ASCC1: variants seen among roughly 807,000 people sequenced by gnomAD.
ASCC1 encodes ASC-1 complex subunit P50.
In ASCC1, 35 loss-of-function variants were observed where a neutral mutation model predicts 46.6. The ratio of observed to expected loss-of-function variants is 0.75; its 90% CI spans 0.57 to 0.99. The LOEUF (loss-of-function observed/expected upper bound fraction) is 0.99, where lower values mean the gene tolerates loss of function less well. Ranked by LOEUF, ASCC1 falls within the 50% of genes least tolerant of loss-of-function variation. The pLI is 0.00. For missense variants in ASCC1, 376 were observed against 428.7 expected, an observed-to-expected ratio of 0.88 and a Z score of 1.09; for synonymous variants, 143 against 146.6, an observed-to-expected ratio of 0.98 and a Z score of 0.18.
At chr10:72,187,494 G>GAAGA (rs1853642652) in intron 5 of ASCC1, among the ~76,000 whole-genome samples, 1 of 151,788 alleles carries the variant, frequency 6.6e-6, no homozygotes, top group African/African-American at 2.4e-5. Context: ...GCTGGGCCAG[G>GAAGA]CGGATCACGA....
At chr10:72,098,968 G>A (rs901466419) in intron 9 of ASCC1, among the ~76,000 whole-genome samples, 3 of 152,204 alleles carry the variant, frequency 2.0e-5, no homozygotes, top group Admixed American at 6.5e-5. Flanking sequence ...TGAAAGACAC[G>A]TCACTAAGAC....
intron 7 of ASCC1, among the ~76,000 whole-genome samples, chr10:72,150,469 AAAAC>A (rs1276246204): frequency 6.6e-6 from 1 of 152,182 alleles, no homozygotes; most frequent in Non-Finnish European, 1.5e-5. Context: ...AGACCACACA[AAAAC>A]AAATTTCCAG....
intron 9 of ASCC1, among the ~76,000 whole-genome samples, chr10:72,100,945 T>C (rs907273031): frequency 1.3e-5 from 2 of 152,196 alleles, no homozygotes; most frequent in African/African-American, 4.8e-5. Context: ...AAAGGTCTAA[T>C]GTATCAGTTC....
rs539217092 is a variant in ASCC1 at position 72,096,747 on chromosome 10, T to C, written c.*587A>G. ...TATGTATAATACAGGAAGGAAATCC[T>C]GTCACCTGACACAACATGGATGAAC... On this transcript the variant is annotated 3_prime_UTR_variant, in exon 10 of 10. Coordinates refer to ENST00000672957, the MANE Select transcript of ASCC1 (RefSeq NM_001198800.3). The C allele has an allele frequency of 3.5e-5, 16 of 454,120 alleles. No homozygotes were observed. The highest frequency in any genetic ancestry group is 3.5e-4 in the Admixed American group (15 of 42,580). 28.1% of individuals were successfully genotyped at this position (454,120 alleles called of 1,614,324 possible).
chr10:72,176,264 A>G (rs543095750), intron 5 of ASCC1, among the ~76,000 whole-genome samples: 8 of 152,274 alleles, frequency 5.3e-5, no homozygotes, highest in Non-Finnish European at 1.0e-4. Context: ...ACCTCTCAAG[A>G]CATCCTCCAC....
chr10:72,179,463 G>C lies in ASCC1; in HGVS notation c.489+17348C>G, dbSNP rs904992354. ...CAAAATGTCTTCAATTGTTTAACAG[G>C]ATATTTTTTTCCCATTCAAATAACT... On this transcript the variant is annotated intron_variant, in intron 5 of 9. Transcript: ENST00000672957. 2.6e-5 allele frequency among the ~76,000 whole-genome samples: 4 copies of C among 152,148 alleles called. No homozygotes were observed. The East Asian group carries it at 7.7e-4, about 29-fold the overall frequency.
intron 5 of ASCC1, among the ~76,000 whole-genome samples, chr10:72,191,282 G>A (rs1307841155): frequency 2.0e-5 from 3 of 150,274 alleles, no homozygotes; most frequent in African/African-American, 7.4e-5. Flanking sequence ...GGTCAGGCTG[G>A]TCTCAAACCC....
chr10:72,108,365 C>T lies in ASCC1; in HGVS notation c.958-10915G>A, dbSNP rs547485606. Among the ~76,000 whole-genome samples, 3 of 152,186 alleles carry T rather than the reference C, an allele frequency of 2.0e-5. No individual in the cohort carries two copies. The East Asian group carries it at 5.8e-4, about 29-fold the overall frequency. ...CTGCTGAGATTACAGGCGTGAGCCA[C>T]CATGCCAGGTCCTACACTCCTAAGT... On this transcript the variant is annotated intron_variant, in intron 9 of 9. Transcript: ENST00000672957.
At chr10:72,213,355 A>G (rs1858461346) in intron 1 of ASCC1, 24 bp from the exon 2 acceptor site, 1 of 1,298,792 alleles carries the variant, frequency 7.7e-7, no homozygotes, top group African/African-American at 1.5e-5. Flanking sequence ...TTACCATCTT[A>G]CCTTTCTTAG....
chr10:72,135,604 A>G (rs1846090470), intron 7 of ASCC1, among the ~76,000 whole-genome samples: 1 of 152,160 alleles, frequency 6.6e-6, no homozygotes, highest in Non-Finnish European at 1.5e-5. Flanking sequence ...CCATGGAACG[A>G]CTTCAGTAGT....
intron 5 of ASCC1, among the ~76,000 whole-genome samples, chr10:72,187,247 T>G: frequency 6.6e-6 from 1 of 152,200 alleles, no homozygotes; most frequent in Non-Finnish European, 1.5e-5. Context: ...TCCACATATA[T>G]GTATTTTCCT....
chr10:72,160,946 G>A (rs555833350), intron 6 of ASCC1, among the ~76,000 whole-genome samples: 30 of 151,898 alleles, frequency 2.0e-4, no homozygotes, highest in African/African-American at 6.5e-4. Context: ...AGCCGGACGC[G>A]GTGGCGGGCG....
chr10:72,104,983 G>A (rs1842183967), intron 9 of ASCC1, among the ~76,000 whole-genome samples: 1 of 152,102 alleles, frequency 6.6e-6, no homozygotes, highest in Admixed American at 6.5e-5. Flanking sequence ...CAGACTTTGG[G>A]GTAAGATTAC....
chr10:72,120,665 G>A (rs1490390061), intron 9 of ASCC1, among the ~76,000 whole-genome samples: 4 of 150,602 alleles, frequency 2.7e-5, no homozygotes, highest in Non-Finnish European at 3.0e-5. Context: ...AGAAAAAATC[G>A]TGAAAGAAGC....
chr10:72,185,174 G>A (rs927752395), intron 5 of ASCC1, among the ~76,000 whole-genome samples: 2 of 152,224 alleles, frequency 1.3e-5, no homozygotes, highest in African/African-American at 4.8e-5. Flanking sequence ...CACATCATTT[G>A]TAGCAGTGTA....
intron 4 of ASCC1, among the ~76,000 whole-genome samples, chr10:72,199,843 C>T (rs1856244126): frequency 1.3e-5 from 2 of 151,968 alleles, no homozygotes; most frequent in South Asian, 4.2e-4. Flanking sequence ...AAGATCCTCC[C>T]ACCTCAGCCT....
intron 9 of ASCC1, among the ~76,000 whole-genome samples, chr10:72,120,450 C>A (rs1844061709): frequency 6.6e-6 from 1 of 151,530 alleles, no homozygotes; most frequent in Non-Finnish European, 1.5e-5. Context: ...ATATAAGGTG[C>A]ACACAATGCA....
intron 9 of ASCC1, among the ~76,000 whole-genome samples, chr10:72,113,055 C>A (rs1843104593): frequency 6.6e-6 from 1 of 152,168 alleles, no homozygotes; most frequent in Non-Finnish European, 1.5e-5. Flanking sequence ...ATAAGAATGA[C>A]ATCACAGGAA....
intron 3 of ASCC1, among the ~76,000 whole-genome samples, chr10:72,207,899 A>C (rs573984088): frequency 6.9e-4 from 105 of 151,954 alleles, no homozygotes; most frequent in African/African-American, 2.5e-3. Context: ...GTAACCTTGA[A>C]CTTCTGGGCT....
Sources: allele counts gnomAD v4.1 joint callset (sites outside exome capture counted in the v4.1 genomes callset), GRCh38; gene constraint gnomAD v4.1.1; transcripts MANE v1.5; gene names NCBI Gene and HGNC (gene_info 2026-07-23, HGNC 2026-07-21).